The following SLCO1A2 variants were observed in gnomAD, a reference collection of about 807,000 sequenced individuals.
SLCO1A2 encodes OATP-1.
Under a neutral mutation model 69.0 loss-of-function variants are expected in SLCO1A2, and 67 were observed. The observed-to-expected ratio is 0.97, with a 90% CI of 0.80 to 1.19. The LOEUF is 1.19. Among genes scored for constraint, SLCO1A2 ranks in the 50% most tolerant of loss-of-function variants. The pLI, the probability that SLCO1A2 is intolerant of heterozygous loss-of-function variation, is 0.00. For missense variants in SLCO1A2, 787 were observed against 793.7 expected (o/e 0.99, Z 0.10); for synonymous variants, 260 against 265.9 (o/e 0.98, Z 0.22).
chr12:21,372,992 G>A (rs190919458), intron 2 of SLCO1A2: 1 of 263,618 alleles, frequency 3.8e-6, no homozygotes, highest in East Asian at 1.1e-4. Context: ...TGCTGACATT[G>A]AAACATTAAA....
upstream of SLCO1A2, among the ~76,000 whole-genome samples, chr12:21,335,937 G>A (rs563319669): frequency 6.6e-6 from 1 of 152,228 alleles, no homozygotes; most frequent in East Asian, 1.9e-4. Context: ...TTCTGTGGAA[G>A]ATACTTGGAC....
chr12:21,342,724 A>G (rs1953112673), intron 2 of SLCO1A2, among the ~76,000 whole-genome samples: 1 of 152,126 alleles, frequency 6.6e-6, no homozygotes, highest in African/African-American at 2.4e-5. Context: ...ATATCGATCT[A>G]AAATTAAACA....
chr12:21,280,963 T>A, intron 12 of SLCO1A2, among the ~76,000 whole-genome samples: 1 of 151,880 alleles, frequency 6.6e-6, no homozygotes, highest in East Asian at 1.9e-4. Context: ...TACAAACACG[T>A]GGAAATTGAG....
intron 1 of SLCO1A2, among the ~76,000 whole-genome samples, chr12:21,389,506 G>A (rs1389027803): frequency 6.6e-6 from 1 of 151,988 alleles, no homozygotes; most frequent in East Asian, 1.9e-4. Context: ...GTTAACAAAT[G>A]ATCAATGTCC....
At chr12:21,397,302 C>G (rs1357519492), upstream of SLCO1A2, among the ~76,000 whole-genome samples, 1 of 151,922 alleles carries the variant, frequency 6.6e-6, no homozygotes, top group Non-Finnish European at 1.5e-5. Flanking sequence ...GTAAAGGGAT[C>G]AATTCAACAA....
At chr12:21,333,549 A>G (rs1952739883) in intron 2 of SLCO1A2, among the ~76,000 whole-genome samples, 2 of 152,242 alleles carry the variant, frequency 1.3e-5, no homozygotes, top group South Asian at 4.1e-4. Context: ...CTTTTACCTG[A>G]TAAACTTGTG....
intron 2 of SLCO1A2, among the ~76,000 whole-genome samples, chr12:21,366,682 C>G (rs1939414863): frequency 6.6e-6 from 1 of 151,910 alleles, no homozygotes; most frequent in Admixed American, 6.6e-5. Flanking sequence ...ATAGCATCCT[C>G]AGAGATAACG....
chr12:21,314,814 G>A lies in SLCO1A2; in HGVS notation c.203-133C>T, dbSNP rs983484443. The A allele has an allele frequency of 1.5e-5, 11 of 711,558 alleles. No individual in the cohort carries two copies. The Admixed American group carries it at 2.2e-4, about 15-fold the overall frequency. The allele number at this position is 711,558 out of a possible 1,614,324, so 44.1% of individuals were successfully genotyped here. On this transcript the variant is annotated intron_variant, in intron 3 of 14. Transcript: ENST00000683939. ...AAATACTTGGATTTGTGCTAGGGTT[G>A]CATTAAATAATAAATGAATATAACA...
At chr12:21,342,964 C>G (rs985191868) in intron 2 of SLCO1A2, among the ~76,000 whole-genome samples, 1 of 151,954 alleles carries the variant, frequency 6.6e-6, no homozygotes, top group African/African-American at 2.4e-5. Context: ...CATGAACATA[C>G]GCTCATACTT....
chr12:21,327,372 T>A (rs1555118653), intron 2 of SLCO1A2, among the ~76,000 whole-genome samples: 1 of 152,174 alleles, frequency 6.6e-6, no homozygotes, highest in Non-Finnish European at 1.5e-5. Context: ...ACTGGGGAAC[T>A]GCCTGGTGGA....
intron 2 of SLCO1A2, among the ~76,000 whole-genome samples, chr12:21,362,358 T>C (rs1427190105): frequency 6.6e-6 from 1 of 152,152 alleles, no homozygotes; most frequent in Non-Finnish European, 1.5e-5. Context: ...CTGAGAGATT[T>C]TGTCACCACC....
intron 4 of SLCO1A2, among the ~76,000 whole-genome samples, chr12:21,310,793 C>T (rs1001569178): frequency 1.3e-5 from 2 of 152,078 alleles, no homozygotes; most frequent in Non-Finnish European, 2.9e-5. Flanking sequence ...TTAGTAGAGA[C>T]GGGGTTTCAC....
chr12:21,278,107 G>A (rs1944197444), intron 12 of SLCO1A2, among the ~76,000 whole-genome samples: 3 of 152,276 alleles, frequency 2.0e-5, no homozygotes, highest in Non-Finnish European at 2.9e-5. Context: ...TGGCCTGGCA[G>A]TATTCCCTGT....
intron 4 of SLCO1A2, among the ~76,000 whole-genome samples, chr12:21,310,704 G>A (rs1295525856): frequency 6.6e-6 from 1 of 152,182 alleles, no homozygotes; most frequent in African/African-American, 2.4e-5. Context: ...CCGGGTTCAC[G>A]CCATTCTCCT....
At chr12:21,415,810 G>A (rs898550534) in intron 1 of SLCO1A2, among the ~76,000 whole-genome samples, 4 of 151,840 alleles carry the variant, frequency 2.6e-5, no homozygotes, top group Non-Finnish European at 2.9e-5. Context: ...ACAAAGACTT[G>A]TAAAATATTT....
chr12:21,318,472 A>G (rs1951171546), intron 3 of SLCO1A2, among the ~76,000 whole-genome samples: 1 of 152,102 alleles, frequency 6.6e-6, no homozygotes, highest in African/African-American at 2.4e-5. Context: ...AGTATCCCTT[A>G]GGGTTATCAA....
At chr12:21,354,140 T>C (rs10743413) in intron 2 of SLCO1A2, among the ~76,000 whole-genome samples, 30,819 of 152,068 alleles carry the variant, frequency 0.2, 3,698 homozygotes, top group East Asian at 0.44. Context: ...AACTGATATT[T>C]CCAAAGTCCA....
upstream of SLCO1A2, among the ~76,000 whole-genome samples, chr12:21,400,211 G>A (rs1941641204): frequency 6.6e-6 from 1 of 152,108 alleles, no homozygotes; most frequent in Admixed American, 6.5e-5. Flanking sequence ...CAAAAAGTGG[G>A]CGAAGGACAT....
chr12:21,389,820 G>C (rs1270371055), intron 1 of SLCO1A2, among the ~76,000 whole-genome samples: 1 of 151,130 alleles, frequency 6.6e-6, no homozygotes, highest in Non-Finnish European at 1.5e-5. Context: ...ATACAAGAAA[G>C]AAAATGAGTA....
Sources: allele counts gnomAD v4.1 joint callset (sites outside exome capture counted in the v4.1 genomes callset), GRCh38; gene constraint gnomAD v4.1.1; transcripts MANE v1.5; gene names NCBI Gene and HGNC (gene_info 2026-07-23, HGNC 2026-07-21).